The following RBFOX1 variants were observed in gnomAD, a reference collection of about 807,000 sequenced individuals.
The protein encoded by RBFOX1 is RNA binding protein fox-1 homolog 1.
RBFOX1 carries 8 observed loss-of-function variants against 57.7 expected under a neutral mutation model. That is an observed-to-expected ratio of 0.14 (90% CI 0.08 to 0.25). The LOEUF is 0.25. Among genes scored for constraint, RBFOX1 ranks in the 10% least tolerant of loss-of-function variants. The pLI, the probability that RBFOX1 is intolerant of heterozygous loss-of-function variation, is 1.00. For synonymous variants in RBFOX1, 326 were observed against 222.4 expected (o/e 1.47, Z -4.15); for missense variants, 611 against 548.5 (o/e 1.11, Z -1.14).
chr16:5,568,003 T>A (rs547974886), intron 2 of RBFOX1, among the ~76,000 whole-genome samples: 2 of 152,198 alleles, frequency 1.3e-5, no homozygotes, highest in Admixed American at 6.5e-5. Flanking sequence ...ATGAAAACTC[T>A]GAACTGATCT....
intron 4 of RBFOX1, among the ~76,000 whole-genome samples, chr16:7,185,504 A>G (rs1203406575): frequency 1.3e-5 from 2 of 152,156 alleles, no homozygotes; most frequent in African/African-American, 2.4e-5. Context: ...GCATCCTAAT[A>G]ATTCTTATGA....
chr16:6,357,436 G>A (rs979485004), intron 2 of RBFOX1, among the ~76,000 whole-genome samples: 2 of 151,746 alleles, frequency 1.3e-5, no homozygotes, highest in Admixed American at 6.6e-5. Context: ...CTTATTGGTG[G>A]GGGTAAAGAG....
At chr16:5,546,172 G>A (rs563155461) in intron 2 of RBFOX1, among the ~76,000 whole-genome samples, 6 of 152,198 alleles carry the variant, frequency 3.9e-5, no homozygotes, top group South Asian at 4.2e-4. Flanking sequence ...ACAAACTAAT[G>A]AAGAACTAAA....
intron 3 of RBFOX1, among the ~76,000 whole-genome samples, chr16:5,767,532 A>G (rs752196595): frequency 2.0e-4 from 31 of 152,158 alleles, no homozygotes; most frequent in Non-Finnish European, 3.4e-4. Context: ...TCACACTGGA[A>G]TAGACCTGTC....
chr16:5,461,154 A>G (rs984385984), intron 1 of RBFOX1, among the ~76,000 whole-genome samples: 4 of 152,310 alleles, frequency 2.6e-5, no homozygotes, highest in East Asian at 3.9e-4. Flanking sequence ...TCCCAAGGTG[A>G]CTGAACCCCG....
intron 5 of RBFOX1, among the ~76,000 whole-genome samples, chr16:7,534,284 G>T (rs1368153461): frequency 1.3e-5 from 2 of 151,532 alleles, no homozygotes; most frequent in Non-Finnish European, 2.9e-5. Flanking sequence ...GTAGAGATGG[G>T]GTTTCACCAT....
At chr16:6,375,850 C>CA (rs1485236336) in intron 2 of RBFOX1, among the ~76,000 whole-genome samples, 1 of 152,058 alleles carries the variant, frequency 6.6e-6, no homozygotes, top group Non-Finnish European at 1.5e-5. Context: ...ATAAACAATG[C>CA]AAAAAACACA....
chr16:7,113,726 G>A (rs1234842400), intron 4 of RBFOX1, among the ~76,000 whole-genome samples: 1 of 151,970 alleles, frequency 6.6e-6, no homozygotes, highest in Non-Finnish European at 1.5e-5. Context: ...TTGCAAGGCT[G>A]CATAATGTCC....
At chr16:5,598,902 G>C (rs1435075625) in exon 3 of RBFOX1, 29 of 1,514,844 alleles carry the variant, frequency 1.9e-5, no homozygotes, top group Non-Finnish European at 2.2e-5. Flanking sequence ...TTTTTGCCAG[G>C]ACTACAAGTC....
chr16:5,867,150 ATGTGTG>A (rs113977862), intron 3 of RBFOX1, among the ~76,000 whole-genome samples: 1 of 149,212 alleles, frequency 6.7e-6, no homozygotes, highest in African/African-American at 2.5e-5. Context: ...AAGAAAATGC[ATGTGTG>A]TGTGTGTGTG....
Position 6,976,062 on chromosome 16 carries a change from G to C in RBFOX1, c.-15-75995G>C, listed in dbSNP as rs1044020950. Among the ~76,000 whole-genome samples the C allele has an allele frequency of 4.6e-5, 7 of 152,154 alleles. No individual in the cohort carries two copies. In the South Asian group the frequency reaches 1.0e-3, roughly 23 times the overall value. On this transcript the variant is annotated intron_variant, in intron 3 of 15. Coordinates refer to ENST00000550418, the MANE Select transcript of RBFOX1 (RefSeq NM_018723.4). ...GAATTGCTTGAACCCAGTAGGTGGA[G>C]GTTTCAATGAGCCAAGATCGTCCCA...
At chr16:6,910,591 G>A (rs1268950644) in intron 3 of RBFOX1, among the ~76,000 whole-genome samples, 1 of 152,152 alleles carries the variant, frequency 6.6e-6, no homozygotes, top group Non-Finnish European at 1.5e-5. Flanking sequence ...CAGCAGGGCT[G>A]CATTTCTTCC....
rs1293612093 is a variant in RBFOX1, at chr16:5,378,398, G to A, written c.220-88818G>A. 2.0e-5 allele frequency among the ~76,000 whole-genome samples: 3 copies of A among 151,502 alleles called. 1 individual carries two copies. The highest frequency in any genetic ancestry group is 1.9e-4 in the East Asian group (1 of 5,192). On this transcript the variant is annotated intron_variant, in intron 1 of 2. Transcript: ENST00000585867. ...TCCTCGTTTCCACTCCACCCAGCCCGCCCAGGATCGGGGAGTTAGCCTCCC... is the reference window on the plus strand; with the variant it reads ...TCCTCGTTTCCACTCCACCCAGCCCACCCAGGATCGGGGAGTTAGCCTCCC...
chr16:6,693,915 T>G (rs2060640388), intron 3 of RBFOX1, among the ~76,000 whole-genome samples: 1 of 152,270 alleles, frequency 6.6e-6, no homozygotes, highest in South Asian at 2.1e-4. Flanking sequence ...AATCATCTAA[T>G]TGACTGTTTA....
At chr16:6,701,737 G>T (rs778765914) in intron 3 of RBFOX1, among the ~76,000 whole-genome samples, 18 of 152,212 alleles carry the variant, frequency 1.2e-4, no homozygotes, top group Non-Finnish European at 2.4e-4. Context: ...TTTTAAAAAT[G>T]TGGCACATGT....
At chr16:5,849,560 A>C (rs552463470) in intron 3 of RBFOX1, among the ~76,000 whole-genome samples, 1 of 151,916 alleles carries the variant, frequency 6.6e-6, no homozygotes, top group African/African-American at 2.4e-5. Flanking sequence ...TCCATCCCAC[A>C]TGGTTCTCAA....
At position 7,199,500 on chromosome 16, in the gene RBFOX1, C is replaced by T. The variant is rs116973834; in HGVS notation, c.27+147402C>T. On this transcript the variant is annotated intron_variant, in intron 4 of 15. Transcript: ENST00000550418. Reference sequence around the variant, plus strand: ...GAAGGTTTGGAAGTTTTAACACAGCCAAACACCTGTCATTGCTGTGTATAC... The same window carrying T: ...GAAGGTTTGGAAGTTTTAACACAGCTAAACACCTGTCATTGCTGTGTATAC... Among the ~76,000 whole-genome samples, 307 of 152,226 alleles carry T rather than the reference C, an allele frequency of 2.0e-3. 1 individual carries two copies. Among genetic ancestry groups the T allele is most frequent in the African/African-American group, 7.0e-3 (289 of 41,532 alleles).
chr16:6,744,932 C>T (rs117836625), intron 3 of RBFOX1, among the ~76,000 whole-genome samples: 2 of 151,924 alleles, frequency 1.3e-5, no homozygotes. Context: ...AATCAATACA[C>T]TTTTAGCCAG....
rs189636697 is a variant in RBFOX1 at position 6,919,746 on chromosome 16, T to A, written c.-15-132311T>A. Among the ~76,000 whole-genome samples the A allele has an allele frequency of 4.8e-3, 726 of 150,574 alleles. 10 individuals are homozygous for A. Among genetic ancestry groups the A allele is most frequent in the Non-Finnish European group, 4.0e-3 (272 of 67,826 alleles). On this transcript the variant is annotated intron_variant, in intron 3 of 15. Coordinates refer to ENST00000550418, the MANE Select transcript of RBFOX1 (RefSeq NM_018723.4). ...ATAAGGAGAAAAATTTCCAGGAGGC[T>A]GAGTGACCTGGCTAAGATCATTCTT...
Sources: allele counts gnomAD v4.1 joint callset (sites outside exome capture counted in the v4.1 genomes callset), GRCh38; gene constraint gnomAD v4.1.1; transcripts MANE v1.5; gene names NCBI Gene and HGNC (gene_info 2026-07-23, HGNC 2026-07-21).